Variants in LPP observed in about 807,000 individuals in gnomAD.
LPP encodes lipoma-preferred partner.
In LPP, 38 loss-of-function variants were observed where a neutral mutation model predicts 60.4. The ratio of observed to expected loss-of-function variants is 0.63; its 90% CI spans 0.49 to 0.83. LPP has a LOEUF of 0.83. Ranked by LOEUF, LPP falls within the 40% of genes least tolerant of loss-of-function variation. LPP has a pLI of 0.00. For missense variants in LPP, 902 were observed against 783.6 expected (o/e 1.15, Z -1.80); for synonymous variants, 328 against 290.8 (o/e 1.13, Z -1.30).
chr3:188,732,569 T>A (rs2150058320), intron 8 of LPP, among the ~76,000 whole-genome samples: 1 of 151,978 alleles, frequency 6.6e-6, no homozygotes, highest in Admixed American at 6.6e-5. Flanking sequence ...AATACAACAA[T>A]TAGCTGGGCG....
intron 9 of LPP, among the ~76,000 whole-genome samples, chr3:188,804,243 T>TATATA (rs1553853278): frequency 5.3e-5 from 2 of 37,698 alleles, no homozygotes; most frequent in Non-Finnish European, 8.6e-5. Flanking sequence ...TAGTGCATCT[T>TATATA]TATATATATA....
At chr3:188,488,255 C>T (rs568842098) in intron 5 of LPP, among the ~76,000 whole-genome samples, 1 of 152,016 alleles carries the variant, frequency 6.6e-6, no homozygotes, top group Admixed American at 6.6e-5. Context: ...CAGGTGATGC[C>T]GGAGTTTTGC....
intron 9 of LPP, among the ~76,000 whole-genome samples, chr3:188,813,502 G>C (rs1751644769): frequency 1.3e-5 from 2 of 152,250 alleles, no homozygotes; most frequent in Middle Eastern, 3.4e-3. Flanking sequence ...ATTCCAGGTA[G>C]TATCTCCAGA....
chr3:188,643,819 C>G (rs1262540273), intron 7 of LPP, among the ~76,000 whole-genome samples: 2 of 152,092 alleles, frequency 1.3e-5, no homozygotes, highest in Non-Finnish European at 2.9e-5. Context: ...CTTGAGTAAC[C>G]TGAAGTCTAC....
chr3:188,859,089 TAAAAAAAAAAAA>T (rs35722501), intron 9 of LPP, among the ~76,000 whole-genome samples: 7 of 103,940 alleles, frequency 6.7e-5, no homozygotes, highest in African/African-American at 2.8e-4. Flanking sequence ...ACTCTGTCTT[TAAAAAAAAAAAA>T]AAAAAAAAAA....
At chr3:188,529,661 C>G (rs1454914556) in intron 6 of LPP, among the ~76,000 whole-genome samples, 2 of 152,164 alleles carry the variant, frequency 1.3e-5, no homozygotes, top group Admixed American at 6.5e-5. Context: ...ACTTACTAAT[C>G]CCTATATTGA....
At chr3:188,848,468 A>C (rs1191410805) in intron 9 of LPP, among the ~76,000 whole-genome samples, 1 of 150,244 alleles carries the variant, frequency 6.7e-6, no homozygotes, top group African/African-American at 2.4e-5. Flanking sequence ...TGGGCCAGTC[A>C]ATAGCAGGGC....
At chr3:188,335,023 G>T (rs1376622904) in intron 2 of LPP, among the ~76,000 whole-genome samples, 1 of 151,988 alleles carries the variant, frequency 6.6e-6, no homozygotes, top group Admixed American at 6.6e-5. Context: ...TTTATTTTTG[G>T]GTTCTCTGTT....
intron 9 of LPP, among the ~76,000 whole-genome samples, chr3:188,850,803 G>C (rs12489773): frequency 0.59 from 89,556 of 151,912 alleles, 26,767 homozygotes; most frequent in East Asian, 0.84. Flanking sequence ...AGTTCTGGGC[G>C]CCACATGATG....
At chr3:188,853,249 T>C (rs945402623) in intron 9 of LPP, among the ~76,000 whole-genome samples, 2 of 152,230 alleles carry the variant, frequency 1.3e-5, no homozygotes, top group Non-Finnish European at 2.9e-5. Context: ...CCTCACCTCT[T>C]AGTGGTGGAC....
chr3:188,598,559 C>G (rs1409558649), intron 6 of LPP, among the ~76,000 whole-genome samples: 1 of 152,082 alleles, frequency 6.6e-6, no homozygotes, highest in Non-Finnish European at 1.5e-5. Flanking sequence ...TTGCTAAAAT[C>G]TTTAAAATAT....
At chr3:188,406,653 C>A (rs1242521304) in intron 4 of LPP, among the ~76,000 whole-genome samples, 1 of 152,224 alleles carries the variant, frequency 6.6e-6, no homozygotes, top group Non-Finnish European at 1.5e-5. Context: ...ACCAGACAGT[C>A]ATCCCTCCCT....
At chr3:188,206,492 G>C (rs1031203245) in intron 1 of LPP, among the ~76,000 whole-genome samples, 10 of 152,194 alleles carry the variant, frequency 6.6e-5, no homozygotes, top group Non-Finnish European at 1.2e-4. Flanking sequence ...ACTCTTGAGT[G>C]TTCACTGTGT....
chr3:188,837,335 C>T (rs1290824024), intron 9 of LPP, among the ~76,000 whole-genome samples: 5 of 151,224 alleles, frequency 3.3e-5, no homozygotes, highest in South Asian at 2.1e-4. Flanking sequence ...GCTGAGATTG[C>T]GCCACTGGAC....
chr3:188,658,963 A>G (rs919967811), intron 7 of LPP, among the ~76,000 whole-genome samples: 4 of 152,232 alleles, frequency 2.6e-5, no homozygotes, highest in African/African-American at 9.6e-5. Context: ...TAATGAAATA[A>G]TGATGGAGTG....
At chr3:188,332,909 C>T (rs184925725) in intron 2 of LPP, among the ~76,000 whole-genome samples, 1 of 135,670 alleles carries the variant, frequency 7.4e-6, no homozygotes, top group Non-Finnish European at 1.6e-5. Context: ...CACCTTCACC[C>T]CCACCCTCCC....
chr3:188,585,047 C>T (rs1365231384), intron 6 of LPP, among the ~76,000 whole-genome samples: 5 of 152,114 alleles, frequency 3.3e-5, no homozygotes, highest in African/African-American at 1.2e-4. Flanking sequence ...TGAGGACTGG[C>T]AAGTATTGGT....
intron 4 of LPP, among the ~76,000 whole-genome samples, chr3:188,442,927 C>G (rs1794373598): frequency 6.6e-6 from 1 of 152,162 alleles, no homozygotes; most frequent in Non-Finnish European, 1.5e-5. Context: ...GTCCAGGAGT[C>G]TTTCTGTTTA....
At chr3:188,628,449 C>A (rs1226666380) in intron 7 of LPP, among the ~76,000 whole-genome samples, 1 of 151,866 alleles carries the variant, frequency 6.6e-6, no homozygotes, top group African/African-American at 2.4e-5. Context: ...TACAAAAAAC[C>A]CTCAGCGACT....
Sources: allele counts gnomAD v4.1 joint callset (sites outside exome capture counted in the v4.1 genomes callset), GRCh38; gene constraint gnomAD v4.1.1; transcripts MANE v1.5; gene names NCBI Gene and HGNC (gene_info 2026-07-23, HGNC 2026-07-21).